Variants in VSTM1 observed in about 807,000 individuals in gnomAD.
VSTM1 encodes the protein V-set and transmembrane domain containing 1.
In VSTM1, 27 loss-of-function variants were observed where a neutral mutation model predicts 33.1. That is an observed-to-expected ratio of 0.82 (90% CI 0.60 to 1.12). The LOEUF (loss-of-function observed/expected upper bound fraction) is 1.12. VSTM1 is among the 50% of genes most tolerant of loss of function. The pLI, the probability that VSTM1 is intolerant of heterozygous loss-of-function variation, is 0.00. For missense variants in VSTM1, 304 were observed against 288.9 expected (o/e 1.05, Z -0.38); for synonymous variants, 115 against 110.3 (o/e 1.04, Z -0.27).
chr19:54,041,267 T>C (rs1269948064), intron 8 of VSTM1, among the ~76,000 whole-genome samples, 187 bp from the exon 9 acceptor site: 1 of 152,104 alleles, frequency 6.6e-6, no homozygotes, highest in African/African-American at 2.4e-5. Context: ...CATCAATGGA[T>C]CTGCGTAAGC....
At chr19:54,063,530 C>T (rs2071498507) in intron 1 of VSTM1, among the ~76,000 whole-genome samples, 1 of 152,128 alleles carries the variant, frequency 6.6e-6, no homozygotes, top group Non-Finnish European at 1.5e-5. Flanking sequence ...CCTTTCCCAG[C>T]GGAGTCTGTC....
intron 4 of VSTM1, among the ~76,000 whole-genome samples, chr19:54,044,256 G>A (rs1312321602): frequency 6.6e-6 from 1 of 152,128 alleles, no homozygotes; most frequent in Non-Finnish European, 1.5e-5. Flanking sequence ...GGTTAGAGCA[G>A]GGTAGAAAAG....
At chr19:54,051,919 C>A (rs1180629222) in intron 3 of VSTM1, among the ~76,000 whole-genome samples, 1 of 152,044 alleles carries the variant, frequency 6.6e-6, no homozygotes, top group Non-Finnish European at 1.5e-5. Context: ...CGCCACCACA[C>A]CCTGCTAATT....
chr19:54,047,671 C>T (rs1463091868), intron 4 of VSTM1, among the ~76,000 whole-genome samples: 1 of 152,152 alleles, frequency 6.6e-6, no homozygotes, highest in Non-Finnish European at 1.5e-5. Context: ...CTCAGTTTCC[C>T]CAGATGGAAG....
chr19:54,042,723 A>T (rs1600105564), intron 4 of VSTM1, among the ~76,000 whole-genome samples: 1 of 147,214 alleles, frequency 6.8e-6, no homozygotes, highest in East Asian at 2.0e-4. Flanking sequence ...GCTCTGTTCC[A>T]GGTGCTCCAT....
At chr19:54,063,358 A>G (rs1369645874) in intron 1 of VSTM1, among the ~76,000 whole-genome samples, 1 of 151,756 alleles carries the variant, frequency 6.6e-6, no homozygotes, top group African/African-American at 2.4e-5. Context: ...GCATACATAC[A>G]TAAATAAATA....
At position 54,047,594 on chromosome 19, in the gene VSTM1, G is replaced by A. The variant is rs527794137; in HGVS notation, c.394+3816C>T. On this transcript the variant is annotated intron_variant, in intron 4 of 8. Coordinates refer to ENST00000338372, the MANE Select transcript of VSTM1 (RefSeq NM_198481.4). ...CATAAGCCACCATGCCTGGCCATAA[G>A]CAACAATTCTATCAGTGCATCTCCA... is the stretch of plus-strand genomic sequence containing the variant. Among the ~76,000 whole-genome samples the A allele has an allele frequency of 4.6e-5, 7 of 152,160 alleles. No individual in the cohort carries two copies. The East Asian group carries it at 1.4e-3, about 29-fold the overall frequency.
At chr19:54,058,832 T>G (rs2071241773) in intron 1 of VSTM1, 100 bp from the exon 2 acceptor site, 1 of 598,812 alleles carries the variant, frequency 1.7e-6, no homozygotes, top group Non-Finnish European at 2.7e-6. Flanking sequence ...CTGAGATATA[T>G]ATATATATAT....
intron 4 of VSTM1, 138 bp from the exon 5 acceptor site, chr19:54,042,507 CTA>C: frequency 7.6e-7 from 1 of 1,308,052 alleles, no homozygotes; most frequent in Non-Finnish European, 1.0e-6. Context: ...CTGGAACTTC[CTA>C]TTGCTTTGGG....
intron 4 of VSTM1, among the ~76,000 whole-genome samples, chr19:54,051,186 G>C (rs922584641): frequency 6.6e-6 from 1 of 152,124 alleles, no homozygotes; most frequent in African/African-American, 2.4e-5. Context: ...CAGCTATTCG[G>C]GAGGCTGAGG....
At position 54,042,272 on chromosome 19, in the gene VSTM1, C is replaced by G. The variant is rs1374979248; in HGVS notation, c.487+5G>C. ...CCTCTCTCCCTTTGCGTTCTCTGAG[C>G]TCACTGTGCTGGCTGCATCTGTAGA... is the stretch of plus-strand genomic sequence containing the variant. On this transcript the variant is annotated splice_donor_5th_base_variant and intron_variant, in intron 5 of 8. Coordinates refer to ENST00000338372, the MANE Select transcript of VSTM1 (RefSeq NM_198481.4). The G allele has an allele frequency of 1.9e-6, 3 of 1,613,648 alleles. No homozygotes were observed. The highest frequency in any genetic ancestry group is 2.5e-6 in the Non-Finnish European group (3 of 1,179,962).
intron 4 of VSTM1, among the ~76,000 whole-genome samples, chr19:54,045,133 G>A (rs1056870987): frequency 2.0e-5 from 3 of 152,222 alleles, no homozygotes; most frequent in Non-Finnish European, 2.9e-5. Context: ...CCATCCAGAC[G>A]CTTCCCCTAC....
At chr19:54,042,922 A>ACTGCAACCTCCACCTCC (rs2070395323) in intron 4 of VSTM1, among the ~76,000 whole-genome samples, 1 of 143,538 alleles carries the variant, frequency 7.0e-6, no homozygotes, top group Non-Finnish European at 1.5e-5. Context: ...ATCCTGGCTC[A>ACTGCAACCTCCACCTCC]CTGCAACCTC....
intron 3 of VSTM1, among the ~76,000 whole-genome samples, chr19:54,054,826 T>G (rs2071009222): frequency 1.6e-5 from 2 of 128,888 alleles, no homozygotes. Flanking sequence ...GGTTGGTGGT[T>G]GGATGGATTA....
intron 4 of VSTM1, among the ~76,000 whole-genome samples, chr19:54,047,031 A>G (rs2070626338): frequency 6.6e-6 from 1 of 152,064 alleles, no homozygotes; most frequent in Non-Finnish European, 1.5e-5. Flanking sequence ...CCCCGTCTCT[A>G]CTAAAAATAG....
chr19:54,063,536 C>T (rs2071499089), intron 1 of VSTM1, among the ~76,000 whole-genome samples: 1 of 152,172 alleles, frequency 6.6e-6, no homozygotes, highest in South Asian at 2.1e-4. Flanking sequence ...CCAGCGGAGT[C>T]TGTCCCCGTG....
intron 6 of VSTM1, 62 bp from the exon 7 acceptor site, chr19:54,042,015 C>T: frequency 6.2e-7 from 1 of 1,608,414 alleles, no homozygotes; most frequent in Non-Finnish European, 8.5e-7. Flanking sequence ...AGGGTGAGGG[C>T]AATGGAGGGG....
At position 54,041,946 on chromosome 19, in the gene VSTM1, G is replaced by A; in HGVS notation, c.523C>T (p.His175Tyr). 6.2e-7 allele frequency: 1 copy of A among 1,614,152 alleles called. No homozygotes were observed. The highest frequency in any genetic ancestry group is 1.3e-5 in the African/African-American group (1 of 75,026). ...SSEESTKRTS[H>Y]SKLPEQEAAE... ...GCCTCCTGCTCCGGAAGTTTGGAAT[G>A]GCTGGTTCTGAAAGAGAGAGACACA... is the stretch of plus-strand genomic sequence containing the variant. The change falls in exon 7 of 9, where the codon CAT (histidine) becomes TAT (tyrosine). Residue 175 changes from histidine (H) to tyrosine (Y), a missense_variant. Coordinates refer to ENST00000338372, the MANE Select transcript of VSTM1 (RefSeq NM_198481.4).
chr19:54,044,081 C>T (rs372954398), intron 4 of VSTM1, among the ~76,000 whole-genome samples: 3 of 152,104 alleles, frequency 2.0e-5, no homozygotes, highest in Non-Finnish European at 4.4e-5. Context: ...ACTTCAAACA[C>T]ACTTCAATGA....
Sources: gnomAD v4.1 joint callset for allele counts (sites outside exome capture counted in the v4.1 genomes callset) on GRCh38, gnomAD v4.1.1 for gene constraint, MANE v1.5 for transcripts, NCBI Gene and HGNC (gene_info 2026-07-23, HGNC 2026-07-21) for gene names.